EIF4G3: variants seen among roughly 807,000 people sequenced by gnomAD.
EIF4G3 encodes eukaryotic translation initiation factor 4 gamma 3.
EIF4G3 carries 34 observed loss-of-function variants against 186.4 expected under a neutral mutation model. The ratio of observed to expected loss-of-function variants is 0.18; its 90% CI spans 0.14 to 0.24. The LOEUF is 0.24. Ranked by LOEUF, EIF4G3 falls within the 10% of genes least tolerant of loss-of-function variation. The pLI is 1.00. For synonymous variants in EIF4G3, 673 were observed against 679.5 expected, an observed-to-expected ratio of 0.99 and a Z score of 0.15; for missense variants, 1,536 against 1,948.5, an observed-to-expected ratio of 0.79 and a Z score of 3.99.
chr1:20,919,621 C>A (rs571208694), intron 14 of EIF4G3, among the ~76,000 whole-genome samples: 26 of 152,222 alleles, frequency 1.7e-4, no homozygotes, highest in African/African-American at 6.3e-4. Flanking sequence ...TTTAACTAAT[C>A]TGAAATTAAG....
chr1:20,899,467 C>T (rs956132870), intron 16 of EIF4G3, among the ~76,000 whole-genome samples: 6 of 152,206 alleles, frequency 3.9e-5, no homozygotes, highest in Non-Finnish European at 8.8e-5. Flanking sequence ...CTGCCAGATG[C>T]TCTTCCAATG....
At chr1:20,916,996 C>A (rs1181657083) in intron 14 of EIF4G3, among the ~76,000 whole-genome samples, 1 of 152,130 alleles carries the variant, frequency 6.6e-6, no homozygotes, top group East Asian at 1.9e-4. Flanking sequence ...TACATATTCA[C>A]CCAAGAAAAA....
intron 14 of EIF4G3, among the ~76,000 whole-genome samples, chr1:20,937,675 G>T (rs1034452744): frequency 6.6e-6 from 1 of 151,962 alleles, no homozygotes. Flanking sequence ...TTAAAAAGTG[G>T]GAAAGTTAAT....
intron 4 of EIF4G3, among the ~76,000 whole-genome samples, chr1:21,042,049 C>T (rs182833742): frequency 1.1e-3 from 162 of 151,354 alleles, no homozygotes; most frequent in African/African-American, 3.6e-3. Flanking sequence ...TGCAGTGGCA[C>T]AAGCATGGCT....
At chr1:21,046,663 A>T (rs1277614729) in intron 4 of EIF4G3, among the ~76,000 whole-genome samples, 1 of 152,244 alleles carries the variant, frequency 6.6e-6, no homozygotes, top group Non-Finnish European at 1.5e-5. Flanking sequence ...TAGCTAAAAA[A>T]TAGTTTCTTT....
chr1:20,918,171 C>A (rs1246736522), intron 14 of EIF4G3, among the ~76,000 whole-genome samples: 2 of 152,066 alleles, frequency 1.3e-5, no homozygotes, highest in Admixed American at 1.3e-4. Context: ...GTCTTCTACA[C>A]CATCATGGCT....
At position 21,086,938 on chromosome 1, in the gene EIF4G3, CAA is replaced by C. The variant is rs71014153; in HGVS notation, c.-196+2198_-196+2199del. ...TGGGCAACAGAGTGAGATTCCTTCT[CAA>C]AAAAAAAAAAAAAGAAAAAAAGAAA... On this transcript the variant is annotated intron_variant, in intron 3 of 36. Coordinates refer to ENST00000602326, the MANE Select transcript of EIF4G3 (RefSeq NM_001391906.1). Among the ~76,000 whole-genome samples the C allele has an allele frequency of 5.1e-4, 39 of 76,520 alleles. 1 individual carries two copies. The Admixed American group carries it at 5.2e-3, about 10-fold the overall frequency. The allele number at this position is 76,520 out of a possible 152,430, so 50.2% of individuals were successfully genotyped here.
chr1:20,989,647 G>A (rs1465036692), intron 7 of EIF4G3, among the ~76,000 whole-genome samples: 2 of 151,092 alleles, frequency 1.3e-5, no homozygotes, highest in African/African-American at 4.9e-5. Flanking sequence ...GAACAAATGA[G>A]GACTGGCTTC....
intron 15 of EIF4G3, among the ~76,000 whole-genome samples, chr1:20,901,746 G>GT (rs989045274): frequency 1.9e-4 from 29 of 151,862 alleles, no homozygotes; most frequent in African/African-American, 4.1e-4. Context: ...ATATTTATGG[G>GT]TTTTTTTTAA....
At chr1:21,126,920 T>C (rs547842715) in intron 2 of EIF4G3, among the ~76,000 whole-genome samples, 1 of 152,198 alleles carries the variant, frequency 6.6e-6, no homozygotes, top group African/African-American at 2.4e-5. Flanking sequence ...ATTTATACAA[T>C]GTAAATGTTG....
intron 4 of EIF4G3, among the ~76,000 whole-genome samples, chr1:21,046,712 A>G (rs1455362561): frequency 2.0e-5 from 3 of 152,252 alleles, no homozygotes; most frequent in African/African-American, 7.2e-5. Flanking sequence ...TTTGTATAGA[A>G]GAATAAAACA....
At chr1:20,941,174 A>G (rs2095697209) in intron 14 of EIF4G3, 3 of 1,467,228 alleles carry the variant, frequency 2.0e-6, no homozygotes, top group Non-Finnish European at 2.7e-6. Context: ...AAGCAGCAAA[A>G]TTAAGCATTG....
At chr1:21,025,443 G>A (rs903559269) in intron 4 of EIF4G3, among the ~76,000 whole-genome samples, 7 of 150,842 alleles carry the variant, frequency 4.6e-5, no homozygotes, top group African/African-American at 1.2e-4. Context: ...AGTGGATCTC[G>A]ACAGAAAAAA....
intron 7 of EIF4G3, among the ~76,000 whole-genome samples, chr1:20,996,572 A>G (rs1308681314): frequency 2.0e-5 from 3 of 152,168 alleles, no homozygotes; most frequent in African/African-American, 7.2e-5. Context: ...AACAATATCC[A>G]TTTACTCAGT....
intron 4 of EIF4G3, among the ~76,000 whole-genome samples, chr1:21,042,812 C>A (rs1284411598): frequency 6.6e-6 from 1 of 152,174 alleles, no homozygotes; most frequent in Non-Finnish European, 1.5e-5. Flanking sequence ...ATCACAAGCA[C>A]TTTAAATTGA....
chr1:20,995,937 A>G (rs1031486081), intron 7 of EIF4G3, among the ~76,000 whole-genome samples: 3 of 152,166 alleles, frequency 2.0e-5, no homozygotes, highest in Non-Finnish European at 4.4e-5. Flanking sequence ...TTATTTCTCA[A>G]ATAAATAGTT....
intron 16 of EIF4G3, among the ~76,000 whole-genome samples, chr1:20,896,004 T>C (rs1318517390): frequency 6.6e-6 from 1 of 152,134 alleles, no homozygotes; most frequent in East Asian, 1.9e-4. Flanking sequence ...GACCTTCCAA[T>C]GAGACAAGAT....
intron 29 of EIF4G3, among the ~76,000 whole-genome samples, chr1:20,842,985 C>T (rs1291522303): frequency 6.6e-6 from 1 of 151,966 alleles, no homozygotes; most frequent in African/African-American, 2.4e-5. Flanking sequence ...GCTGGGACCA[C>T]AGGCATGCCA....
At position 20,876,315 on chromosome 1, in the gene EIF4G3, G is replaced by C. The variant is rs115798668; in HGVS notation, c.2622+3008C>G. Among the ~76,000 whole-genome samples the C allele has an allele frequency of 4.0e-3, 596 of 147,840 alleles. 7 individuals carry two copies. Among genetic ancestry groups the C allele is most frequent in the African/African-American group, 0.014 (560 of 40,146 alleles). ...AATGAACATATGAGAGAGAGAGATA[G>C]AGAGAGAAGAGAGATGGTTGAACAA... is the stretch of plus-strand genomic sequence containing the variant. On this transcript the variant is annotated intron_variant, in intron 20 of 36. Coordinates refer to ENST00000602326, the MANE Select transcript of EIF4G3 (RefSeq NM_001391906.1).
Sources: gnomAD v4.1 joint callset for allele counts (sites outside exome capture counted in the v4.1 genomes callset) on GRCh38, gnomAD v4.1.1 for gene constraint, MANE v1.5 for transcripts, NCBI Gene and HGNC (gene_info 2026-07-23, HGNC 2026-07-21) for gene names.